Variants in PHKB observed in about 807,000 individuals in gnomAD.
The protein encoded by PHKB is phosphorylase b kinase regulatory subunit beta.
PHKB carries 122 observed loss-of-function variants against 152.1 expected under a neutral mutation model. The ratio of observed to expected loss-of-function variants is 0.80; its 90% CI spans 0.69 to 0.93. The LOEUF (loss-of-function observed/expected upper bound fraction) is 0.93. PHKB is among the 40% of genes least tolerant of loss of function. PHKB has a pLI of 0.00. For missense variants in PHKB, 1,304 were observed against 1,328.4 expected (o/e 0.98, Z 0.29); for synonymous variants, 436 against 464.9 (o/e 0.94, Z 0.80).
At chr16:47,571,798 T>A (rs538629844) in intron 7 of PHKB, among the ~76,000 whole-genome samples, 2 of 152,304 alleles carry the variant, frequency 1.3e-5, no homozygotes, top group South Asian at 2.1e-4. Context: ...CGGAGCCCAG[T>A]ACTGCACCTG....
In PHKB at chr16:47,547,480, T is replaced by A. The variant is rs1971193080; in HGVS notation, c.642T>A (p.Arg214=). 3 of 1,613,080 alleles carry A rather than the reference T, an allele frequency of 1.9e-6. No homozygotes were observed. Among genetic ancestry groups the A allele is most frequent in the African/African-American group, 2.7e-5 (2 of 74,912 alleles). Residue 214 remains arginine, a synonymous_variant, in exon 7 of 31, where the codon CGT becomes CGA. Transcript: ENST00000323584. The part of the protein sequence containing the change: ...NLVFCVERVY[R]VPDFGVWERG... The stretch of plus-strand genomic sequence containing the variant: ...TATTTTGTGTGGAAAGAGTTTACCG[T>A]GTGCCTGACTTTGGTGTCTGGGAAA...
chr16:47,649,148 G>T lies in PHKB; in HGVS notation c.1741G>T (p.Asp581Tyr). ...TGTGGTTTGTTACCCGATTATTTTC[G>T]ACCTAAGTGATTTCTACATGTCTCA... ...KTVVCYPIIF[D>Y]LSDFYMSQDV... The change falls in exon 18 of 31, where the codon GAC becomes TAC. Residue 581 changes from aspartate to tyrosine, a missense_variant. Physicochemically the swap from Asp to Tyr is radical, Grantham distance 160. Transcript: ENST00000323584. 1 of 1,610,828 alleles carries T rather than the reference G, an allele frequency of 6.2e-7. No individual in the cohort carries two copies. The highest frequency in any genetic ancestry group is 1.1e-5 in the South Asian group (1 of 90,990).
intron 1 of PHKB, among the ~76,000 whole-genome samples, chr16:47,476,797 C>T (rs147394383): frequency 5.1e-4 from 78 of 152,324 alleles, no homozygotes; most frequent in African/African-American, 1.9e-3. Context: ...CCCTGTCTAG[C>T]AGTCATTTGC....
chr16:47,547,291 T>C, intron 6 of PHKB, 142 bp from the exon 7 acceptor site: 4 of 652,148 alleles, frequency 6.1e-6, no homozygotes, highest in Non-Finnish European at 1.1e-5. Context: ...TGCATGTTGG[T>C]CATGCTGGTC....
At chr16:47,512,484 G>C (rs950708442) in intron 5 of PHKB, among the ~76,000 whole-genome samples, 23 of 152,160 alleles carry the variant, frequency 1.5e-4, no homozygotes, top group African/African-American at 5.6e-4. Context: ...GTTCACAGTG[G>C]TGTCATAGCA....
intron 14 of PHKB, among the ~76,000 whole-genome samples, chr16:47,622,674 G>C (rs1171164451): frequency 6.6e-6 from 1 of 152,132 alleles, no homozygotes; most frequent in African/African-American, 2.4e-5. Context: ...AATTAAAATG[G>C]ATTGATCTAC....
At chr16:47,695,422 T>G (rs1372483987) in intron 28 of PHKB, among the ~76,000 whole-genome samples, 2 of 152,224 alleles carry the variant, frequency 1.3e-5, no homozygotes, top group African/African-American at 4.8e-5. Flanking sequence ...CTGTAAACAT[T>G]AATAATATGT....
rs1417533786 is a variant in PHKB at position 47,603,498 on chromosome 16, ACTTT to A, written c.1363+6972_1363+6975del. 7.7e-4 allele frequency among the ~76,000 whole-genome samples: 113 copies of A among 147,208 alleles called. 2 individuals are homozygous for A. The highest frequency in any genetic ancestry group is 2.6e-3 in the African/African-American group (104 of 40,046). ...CTTTAGCTTTATGTATAAATAACTG[ACTTT>A]CTTTTTTTTTTTTTTTTTGGAGATG... On this transcript the variant is annotated intron_variant, in intron 13 of 30. Transcript: ENST00000323584.
At chr16:47,603,241 C>T (rs1229791167) in intron 13 of PHKB, among the ~76,000 whole-genome samples, 4 of 152,096 alleles carry the variant, frequency 2.6e-5, no homozygotes, top group African/African-American at 7.2e-5. Context: ...CTTACTGCTC[C>T]GTTCAAGATA....
At chr16:47,492,087 A>C (rs538564573) in intron 1 of PHKB, among the ~76,000 whole-genome samples, 19 of 152,346 alleles carry the variant, frequency 1.2e-4, no homozygotes, top group Admixed American at 1.0e-3. Flanking sequence ...AAGGTCCTGC[A>C]GATATCAAAC....
intron 6 of PHKB, among the ~76,000 whole-genome samples, chr16:47,527,061 T>C (rs1441999848): frequency 6.6e-6 from 1 of 152,112 alleles, no homozygotes; most frequent in African/African-American, 2.4e-5. Context: ...CCACTATCTC[T>C]AGGAAAGCAC....
rs1333165004 is a variant in PHKB, at chr16:47,648,949, T to G, written c.1693-151T>G. 2.7e-5 allele frequency: 17 copies of G among 640,634 alleles called. No individual in the cohort carries two copies. The South Asian group carries it at 3.2e-4, about 12-fold the overall frequency. 39.7% of individuals were successfully genotyped at this position (640,634 alleles called of 1,614,324 possible). On this transcript the variant is annotated intron_variant, in intron 17 of 30. Transcript: ENST00000323584. ...TGATTCCATCAAGAAACTTAAAAAT[T>G]TTTAAATATTATCTGGATGTCGCAA...
chr16:47,635,130 G>C (rs1238033303), intron 14 of PHKB, among the ~76,000 whole-genome samples: 1 of 152,084 alleles, frequency 6.6e-6, no homozygotes, highest in African/African-American at 2.4e-5. Context: ...ATATTTTGGA[G>C]GTAGAGCCAA....
At chr16:47,658,965 G>A (rs1173587593) in intron 20 of PHKB, among the ~76,000 whole-genome samples, 1 of 151,996 alleles carries the variant, frequency 6.6e-6, no homozygotes, top group Non-Finnish European at 1.5e-5. Context: ...GTACCTAGTA[G>A]GCCTTCAATA....
intron 26 of PHKB, among the ~76,000 whole-genome samples, chr16:47,688,477 A>G (rs941207653): frequency 3.9e-5 from 6 of 152,232 alleles, no homozygotes; most frequent in African/African-American, 1.4e-4. Flanking sequence ...TTAATGTACA[A>G]CTATAACTAA....
At chr16:47,579,118 A>T (rs757623688) in intron 7 of PHKB, among the ~76,000 whole-genome samples, 1 of 152,118 alleles carries the variant, frequency 6.6e-6, no homozygotes, top group Non-Finnish European at 1.5e-5. Flanking sequence ...TGTTTGTTTT[A>T]TATGTAATGT....
At chr16:47,528,300 A>G (rs1159754388) in intron 6 of PHKB, among the ~76,000 whole-genome samples, 1 of 152,184 alleles carries the variant, frequency 6.6e-6, no homozygotes, top group Non-Finnish European at 1.5e-5. Context: ...CTCCCTAGGA[A>G]TGCATAATCA....
Position 47,547,333 on chromosome 16 carries a change from T to G in PHKB, c.595-100T>G. On this transcript the variant is annotated intron_variant, in intron 6 of 30. Coordinates refer to ENST00000323584, the MANE Select transcript of PHKB (RefSeq NM_000293.3). ...TCCCAACCTCATGTAATCCCTCCCC[T>G]CAGCCTCCCAAATTGCTGGGATTAC... 4.1e-6 allele frequency: 3 copies of G among 735,328 alleles called. No homozygotes were observed. The South Asian group carries it at 4.3e-5, about 11-fold the overall frequency. The allele number at this position is 735,328 out of a possible 1,614,324, so 45.6% of individuals were successfully genotyped here.
At chr16:47,653,817 A>T (rs181714028) in intron 20 of PHKB, among the ~76,000 whole-genome samples, 404 of 152,334 alleles carry the variant, frequency 2.7e-3, no homozygotes, top group Non-Finnish European at 3.6e-3. Context: ...CAAAAATGTG[A>T]GTACCTCCTA....
Sources: gnomAD v4.1 joint callset for allele counts (sites outside exome capture counted in the v4.1 genomes callset) on GRCh38, gnomAD v4.1.1 for gene constraint, MANE v1.5 for transcripts, NCBI Gene and HGNC (gene_info 2026-07-23, HGNC 2026-07-21) for gene names.